The following CD247 variants were observed in gnomAD, a reference collection of about 807,000 sequenced individuals.
CD247 encodes the protein T-cell surface glycoprotein CD3 zeta chain.
In CD247, 13 loss-of-function variants were observed where a neutral mutation model predicts 30.0. That is an observed-to-expected ratio of 0.43 (90% CI 0.28 to 0.69). The LOEUF (loss-of-function observed/expected upper bound fraction) is 0.69, where lower values mean the gene tolerates loss of function less well. CD247 is among the 30% of genes least tolerant of loss of function. The pLI, the probability that CD247 is intolerant of heterozygous loss-of-function variation, is 0.16. For missense variants in CD247, 193 were observed against 212.6 expected (o/e 0.91, Z 0.57); for synonymous variants, 72 against 80.0 (o/e 0.90, Z 0.53).
chr1:167,438,882 A>C (rs978379920), intron 3 of CD247, among the ~76,000 whole-genome samples: 6 of 152,204 alleles, frequency 3.9e-5, no homozygotes, highest in Non-Finnish European at 7.3e-5. Context: ...CAAGTACTAT[A>C]GGCTGATCAG....
At chr1:167,483,429 C>T (rs1236803247) in intron 1 of CD247, among the ~76,000 whole-genome samples, 1 of 152,218 alleles carries the variant, frequency 6.6e-6, no homozygotes, top group Non-Finnish European at 1.5e-5. Flanking sequence ...CCTCCCTACC[C>T]TGCTTTCCCA....
At chr1:167,491,460 C>T (rs376924882) in intron 1 of CD247, among the ~76,000 whole-genome samples, 24 of 151,790 alleles carry the variant, frequency 1.6e-4, no homozygotes, top group African/African-American at 5.3e-4. Flanking sequence ...CCCAGCTACT[C>T]GGGAGGCTGA....
chr1:167,474,123 G>A (rs190843523), intron 1 of CD247, among the ~76,000 whole-genome samples: 3 of 152,128 alleles, frequency 2.0e-5, no homozygotes, highest in Admixed American at 2.0e-4. Flanking sequence ...GATTTCATTC[G>A]CAAGAGAAAT....
chr1:167,440,422 G>C, intron 2 of CD247: 1 of 577,396 alleles, frequency 1.7e-6, no homozygotes, highest in Non-Finnish European at 3.1e-6. Context: ...GCACACATTT[G>C]TACGGCTTGT....
chr1:167,467,799 C>G (rs1293423494), intron 1 of CD247, among the ~76,000 whole-genome samples: 1 of 152,148 alleles, frequency 6.6e-6, no homozygotes, highest in Non-Finnish European at 1.5e-5. Flanking sequence ...TCCGTCTGGT[C>G]GGTTTAATAA....
At chr1:167,460,921 C>G (rs989637607) in intron 1 of CD247, among the ~76,000 whole-genome samples, 5 of 152,340 alleles carry the variant, frequency 3.3e-5, no homozygotes, top group Middle Eastern at 3.4e-3. Context: ...TCCAGGCAGC[C>G]AGAATGAAGC....
intron 1 of CD247, among the ~76,000 whole-genome samples, chr1:167,483,430 T>C (rs1654060331): frequency 6.6e-6 from 1 of 151,886 alleles, no homozygotes; most frequent in Non-Finnish European, 1.5e-5. Context: ...CTCCCTACCC[T>C]GCTTTCCCAC....
At chr1:167,463,156 G>T (rs989571219) in intron 1 of CD247, among the ~76,000 whole-genome samples, 1 of 152,146 alleles carries the variant, frequency 6.6e-6, no homozygotes, top group African/African-American at 2.4e-5. Flanking sequence ...GTTGCTCTCG[G>T]CTGGTTAGCA....
intron 1 of CD247, among the ~76,000 whole-genome samples, chr1:167,466,572 A>G (rs1346540893): frequency 1.3e-5 from 2 of 152,200 alleles, no homozygotes. Flanking sequence ...AATTTAATCC[A>G]GTTTCATTTA....
At chr1:167,515,400 A>G (rs1250942509) in intron 1 of CD247, among the ~76,000 whole-genome samples, 1 of 152,212 alleles carries the variant, frequency 6.6e-6, no homozygotes, top group African/African-American at 2.4e-5. Flanking sequence ...ACTTTTGTCT[A>G]TGAGCCTTAT....
At chr1:167,504,066 G>C (rs901977510) in intron 1 of CD247, among the ~76,000 whole-genome samples, 2 of 152,134 alleles carry the variant, frequency 1.3e-5, no homozygotes, top group African/African-American at 4.8e-5. Flanking sequence ...CTGGGCTCCC[G>C]GGGTGCTGTG....
intron 5 of CD247, chr1:167,434,435 C>T: frequency 2.7e-6 from 1 of 375,160 alleles, no homozygotes; most frequent in South Asian, 2.2e-5. Flanking sequence ...AGCAAGTTGT[C>T]TCTTTACACA....
intron 1 of CD247, among the ~76,000 whole-genome samples, chr1:167,444,718 C>G (rs1651990054): frequency 6.6e-6 from 1 of 152,170 alleles, no homozygotes; most frequent in South Asian, 2.1e-4. Context: ...GAGAGGGAAG[C>G]CCTGCCTTCT....
chr1:167,463,243 C>T (rs1003181558), intron 1 of CD247, among the ~76,000 whole-genome samples: 1 of 152,176 alleles, frequency 6.6e-6, no homozygotes, highest in Non-Finnish European at 1.5e-5. Context: ...GACCTATGGC[C>T]TGGGGCCAGC....
At position 167,500,955 on chromosome 1, in the gene CD247, G is replaced by A. The variant is rs551289450; in HGVS notation, c.58+17453C>T. The stretch of plus-strand genomic sequence containing the variant: ...ATGGGAACAGGCAGAGGTGGGGAGA[G>A]GCTTACAGACTCATTTTCAAACAGA... On this transcript the variant is annotated intron_variant, in intron 1 of 7. Coordinates refer to ENST00000362089, the MANE Select transcript of CD247 (RefSeq NM_198053.3). 3.9e-5 allele frequency among the ~76,000 whole-genome samples: 6 copies of A among 152,142 alleles called. No individual in the cohort carries two copies. The East Asian group carries it at 1.2e-3, about 29-fold the overall frequency.
In CD247 at chr1:167,484,284, G is replaced by A. The variant is rs149887479; in HGVS notation, c.58+34124C>T. Reference sequence around the variant, plus strand: ...CTCCCTGCCCATCTTCCTTCCCTCTGTTTCCTCCTCTTCCCTATAGGCTGA... The same window carrying A: ...CTCCCTGCCCATCTTCCTTCCCTCTATTTCCTCCTCTTCCCTATAGGCTGA... On this transcript the variant is annotated intron_variant, in intron 1 of 7. Transcript: ENST00000362089. Among the ~76,000 whole-genome samples the A allele has an allele frequency of 1.9e-3, 293 of 152,236 alleles. 1 individual carries two copies. The highest frequency in any genetic ancestry group is 2.9e-3 in the Non-Finnish European group (196 of 68,024).
chr1:167,517,892 C>A (rs1027670809), intron 1 of CD247, among the ~76,000 whole-genome samples: 10 of 152,308 alleles, frequency 6.6e-5, no homozygotes, highest in African/African-American at 2.4e-4. Context: ...CACTTACTCC[C>A]GGGCCCATTG....
Position 167,431,516 on chromosome 1 carries a change from T to C in CD247, c.*165A>G. 3 of 727,388 alleles carry C rather than the reference T, an allele frequency of 4.1e-6. No homozygotes were observed. In the Middle Eastern group the frequency reaches 7.0e-4, roughly 169 times the overall value. The allele number at this position is 727,388 out of a possible 1,614,324, so 45.1% of individuals were successfully genotyped here. A position where few individuals can be genotyped will look rare whatever the true frequency, so the allele number is the denominator to read the frequency against. On this transcript the variant is annotated 3_prime_UTR_variant, in exon 8 of 8. Coordinates refer to ENST00000362089, the MANE Select transcript of CD247 (RefSeq NM_198053.3). ...CCCTTAAAGAGTGCAGGGACAACAG[T>C]CTGTGTGTGAAGGTTTGGAGCTAAA...
chr1:167,486,618 T>C (rs1654219015), intron 1 of CD247, among the ~76,000 whole-genome samples: 1 of 152,220 alleles, frequency 6.6e-6, no homozygotes, highest in South Asian at 2.1e-4. Flanking sequence ...TTCCCACGCT[T>C]CAGAGGCCAG....
Sources: allele counts gnomAD v4.1 joint callset (sites outside exome capture counted in the v4.1 genomes callset), GRCh38; gene constraint gnomAD v4.1.1; transcripts MANE v1.5; gene names NCBI Gene and HGNC (gene_info 2026-07-23, HGNC 2026-07-21).